COL21A1: variants seen among roughly 807,000 people sequenced by gnomAD.
COL21A1 encodes the protein collagen type XXI alpha 1 chain, also known as collagen alpha-1(XXI) chain.
COL21A1 carries 149 observed loss-of-function variants against 137.9 expected under a neutral mutation model. The ratio of observed to expected loss-of-function variants is 1.08; its 90% confidence interval spans 0.95 to 1.24. The LOEUF is 1.24. Among genes scored for constraint, COL21A1 ranks in the 50% most tolerant of loss-of-function variants. The pLI, the probability that COL21A1 is intolerant of heterozygous loss-of-function variation, is 0.00. For missense variants in COL21A1, 1,167 were observed against 1,158.4 expected (o/e 1.01, Z -0.11); for synonymous variants, 456 against 391.5 (o/e 1.16, Z -1.95).
intron 1 of COL21A1, among the ~76,000 whole-genome samples, chr6:56,210,869 A>G (rs1386743449): frequency 6.6e-6 from 1 of 152,088 alleles, no homozygotes; most frequent in Non-Finnish European, 1.5e-5. Flanking sequence ...AGAGGCATCA[A>G]TTACATGCAG....
At chr6:56,094,694 G>A (rs1200233431) in intron 17 of COL21A1, among the ~76,000 whole-genome samples, 1 of 152,140 alleles carries the variant, frequency 6.6e-6, no homozygotes, top group Admixed American at 6.6e-5. Flanking sequence ...ACATATACAT[G>A]GCAGAGATTT....
chr6:56,128,606 GAGA>G, intron 12 of COL21A1, among the ~76,000 whole-genome samples: 1 of 152,280 alleles, frequency 6.6e-6, no homozygotes, highest in African/African-American at 2.4e-5. Flanking sequence ...AGAGAAAGAG[GAGA>G]AGGAGGTCGC....
At chr6:56,236,474 C>G (rs1396708743) in intron 1 of COL21A1, among the ~76,000 whole-genome samples, 4 of 151,962 alleles carry the variant, frequency 2.6e-5, no homozygotes, top group Admixed American at 2.6e-4. Flanking sequence ...ATACTCATAT[C>G]ACGAACAACA....
At chr6:56,188,166 T>G (rs1778419844) in intron 1 of COL21A1, among the ~76,000 whole-genome samples, 1 of 152,210 alleles carries the variant, frequency 6.6e-6, no homozygotes, top group African/African-American at 2.4e-5. Flanking sequence ...GTGAAGAAAT[T>G]GGAATTCATT....
At chr6:56,351,409 T>C (rs544003065) in intron 1 of COL21A1, among the ~76,000 whole-genome samples, 1 of 152,314 alleles carries the variant, frequency 6.6e-6, no homozygotes. Context: ...CCCTGTCACA[T>C]GTAACTGCAC....
intron 1 of COL21A1, among the ~76,000 whole-genome samples, chr6:56,196,658 G>A (rs1473325226): frequency 1.3e-5 from 2 of 151,982 alleles, no homozygotes; most frequent in East Asian, 3.8e-4. Flanking sequence ...TTTAACCAAG[G>A]AGGTGAAATA....
At chr6:56,358,478 T>C (rs1470829252) in intron 1 of COL21A1, among the ~76,000 whole-genome samples, 3 of 152,184 alleles carry the variant, frequency 2.0e-5, no homozygotes, top group East Asian at 1.9e-4. Flanking sequence ...TTGATTTATA[T>C]CTTCCCTTCT....
At chr6:56,187,105 G>A (rs954458743) in intron 1 of COL21A1, among the ~76,000 whole-genome samples, 6 of 152,138 alleles carry the variant, frequency 3.9e-5, no homozygotes, top group Admixed American at 1.3e-4. Flanking sequence ...AGGCTGGAAC[G>A]TCCAAAGTCT....
At chr6:56,164,547 G>C (rs1561935334) in intron 8 of COL21A1, 41 bp from the exon 9 acceptor site, 1 of 1,378,010 alleles carries the variant, frequency 7.3e-7, no homozygotes, top group Admixed American at 2.0e-5. Context: ...AGCATGGAAA[G>C]ACATATAAGT....
intron 1 of COL21A1, among the ~76,000 whole-genome samples, chr6:56,241,922 A>T (rs2152325428): frequency 6.6e-6 from 1 of 152,332 alleles, no homozygotes; most frequent in East Asian, 1.9e-4. Flanking sequence ...AAAAAGAAAC[A>T]GCAGATTGGC....
At chr6:56,151,031 G>T (rs1304942857) in intron 10 of COL21A1, among the ~76,000 whole-genome samples, 1 of 151,426 alleles carries the variant, frequency 6.6e-6, no homozygotes, top group Non-Finnish European at 1.5e-5. Context: ...AGACCATCCT[G>T]GCTAACATGG....
intron 16 of COL21A1, among the ~76,000 whole-genome samples, chr6:56,102,046 G>C (rs903169236): frequency 6.6e-6 from 1 of 151,940 alleles, no homozygotes; most frequent in South Asian, 2.1e-4. Flanking sequence ...GCATATTTTA[G>C]GTAGCTGTTA....
At chr6:56,202,410 C>T (rs931953717) in intron 1 of COL21A1, among the ~76,000 whole-genome samples, 1 of 152,190 alleles carries the variant, frequency 6.6e-6, no homozygotes, top group African/African-American at 2.4e-5. Flanking sequence ...ATGGATAACT[C>T]ATAAGGAGGA....
At chr6:56,209,941 C>T (rs974197426) in intron 1 of COL21A1, among the ~76,000 whole-genome samples, 5 of 152,124 alleles carry the variant, frequency 3.3e-5, no homozygotes, top group Non-Finnish European at 7.3e-5. Flanking sequence ...GAATACTATA[C>T]AGCCATAAAG....
chr6:56,277,325 C>A (rs1335220772), intron 1 of COL21A1, among the ~76,000 whole-genome samples: 2 of 152,184 alleles, frequency 1.3e-5, no homozygotes, highest in East Asian at 3.9e-4. Context: ...CCCCGGTGTG[C>A]GATGTTCCCC....
chr6:56,060,222 T>C lies in COL21A1; in HGVS notation c.2408-4A>G. 1 of 1,585,586 alleles carries C rather than the reference T, an allele frequency of 6.3e-7. No individual in the cohort carries two copies. Among genetic ancestry groups the C allele is most frequent in the Non-Finnish European group, 8.6e-7 (1 of 1,168,878 alleles). ...TGAAGTAAGACTGGTAGCTGGGCTT[T>C]CAAAAACAAAGAAACCCCATCCCTT... On this transcript the variant is annotated splice_polypyrimidine_tract_variant and splice_region_variant and intron_variant, in intron 27 of 29. Transcript: ENST00000244728.
intron 1 of COL21A1, among the ~76,000 whole-genome samples, chr6:56,370,541 C>G (rs1051302372): frequency 2.0e-5 from 3 of 152,186 alleles, no homozygotes; most frequent in African/African-American, 7.2e-5. Context: ...CTGCATTTTT[C>G]AAATGCTTTT....
chr6:56,203,331 A>C (rs1779530151), intron 1 of COL21A1, among the ~76,000 whole-genome samples: 1 of 152,222 alleles, frequency 6.6e-6, no homozygotes, highest in Admixed American at 6.5e-5. Context: ...CAGGATAGTA[A>C]ATCAAAATAA....
chr6:56,161,864 A>C (rs1356177577), intron 9 of COL21A1, among the ~76,000 whole-genome samples: 1 of 152,182 alleles, frequency 6.6e-6, no homozygotes, highest in Non-Finnish European at 1.5e-5. Context: ...CTATCTTAGA[A>C]TCAGCACTTC....
Sources: gnomAD v4.1 joint callset for allele counts (sites outside exome capture counted in the v4.1 genomes callset) on GRCh38, gnomAD v4.1.1 for gene constraint, MANE v1.5 for transcripts, NCBI Gene and HGNC (gene_info 2026-07-23, HGNC 2026-07-21) for gene names.